The following UGT3A1 variants were observed in gnomAD, a reference collection of about 807,000 sequenced individuals.
UGT3A1 encodes UDP-glycosyltransferase 3A1.
Under a neutral mutation model 37.6 loss-of-function variants are expected in UGT3A1, and 40 were observed. The ratio of observed to expected loss-of-function variants is 1.06; its 90% CI spans 0.83 to 1.38. The LOEUF is 1.38. Among genes scored for constraint, UGT3A1 ranks in the 40% most tolerant of loss-of-function variants. The pLI is 0.00. For missense variants in UGT3A1, 642 were observed against 634.2 expected (o/e 1.01, Z -0.13); for synonymous variants, 256 against 232.3 (o/e 1.10, Z -0.93).
chr5:35,955,949 C>T (rs1287977599), intron 5 of UGT3A1, 85 bp from the exon 6 acceptor site: 19 of 1,327,766 alleles, frequency 1.4e-5, no homozygotes, highest in Admixed American at 5.8e-5. Context: ...AGATGAAACA[C>T]CAATGAAATC....
chr5:35,976,319 A>C (rs1253890685), intron 2 of UGT3A1, among the ~76,000 whole-genome samples: 1 of 152,186 alleles, frequency 6.6e-6, no homozygotes, highest in Non-Finnish European at 1.5e-5. Context: ...GTTAGTTTGC[A>C]TTATAGAAGA....
Position 35,954,487 on chromosome 5 carries a change from G to A in UGT3A1, c.1296-9C>T, listed in dbSNP as rs117185659. 5.9e-4 allele frequency: 959 copies of A among 1,612,486 alleles called. 1 individual carries two copies. In the East Asian group the frequency reaches 0.01, roughly 17 times the overall value. ...CCACTGCCGACTTGTACCTGTTGGC[G>A]GAGACAGAGAGGGTGTGTTACTGAC... On this transcript the variant is annotated splice_polypyrimidine_tract_variant and intron_variant, in intron 6 of 6. Transcript: ENST00000274278.
chr5:35,993,386 C>T (rs896516793), upstream of UGT3A1, among the ~76,000 whole-genome samples: 1 of 152,064 alleles, frequency 6.6e-6, no homozygotes, highest in African/African-American at 2.4e-5. Flanking sequence ...ATCGCTGGAA[C>T]CCAGGAGGCG....
At chr5:35,976,928 A>C (rs926297554) in intron 2 of UGT3A1, among the ~76,000 whole-genome samples, 1 of 149,660 alleles carries the variant, frequency 6.7e-6, no homozygotes, top group African/African-American at 2.5e-5. Context: ...AAAGAAAAAG[A>C]AAGAAGAAAG....
rs1164508182 is a variant in UGT3A1, at chr5:35,954,389, A to G, written c.1385T>C (p.Ile462Thr). 1.2e-6 allele frequency: 2 copies of G among 1,614,198 alleles called. No individual in the cohort carries two copies. The change falls in exon 7 of 7, where the codon ATC becomes ACC. Residue 462 changes from isoleucine to threonine, a missense_variant. By Grantham distance (89) the Ile-to-Thr change is moderately conservative. Coordinates refer to ENST00000274278, the MANE Select transcript of UGT3A1 (RefSeq NM_152404.4). ...AQRLVGWIDH[I>T]LQTGGATHLK... The stretch of plus-strand genomic sequence containing the variant: ...GTGCGTCGCTCCCCCAGTCTGGAGG[A>G]TGTGGTCGATCCAGCCCACCAGCCG...
At chr5:35,981,273 G>A (rs1028951515) in intron 2 of UGT3A1, among the ~76,000 whole-genome samples, 1 of 152,156 alleles carries the variant, frequency 6.6e-6, no homozygotes, top group Non-Finnish European at 1.5e-5. Context: ...ATACAATGCT[G>A]AGATTATCAC....
intron 2 of UGT3A1, among the ~76,000 whole-genome samples, chr5:35,969,860 C>G (rs1050539410): frequency 6.6e-6 from 1 of 152,070 alleles, no homozygotes; most frequent in Non-Finnish European, 1.5e-5. Context: ...TATATATGCC[C>G]CATCTTAAGC....
intron 5 of UGT3A1, among the ~76,000 whole-genome samples, chr5:35,956,486 A>G (rs1359664453): frequency 1.3e-5 from 2 of 152,234 alleles, no homozygotes; most frequent in African/African-American, 4.8e-5. Flanking sequence ...TTAATTTACC[A>G]AGCTGACTTT....
chr5:35,989,661 A>T (rs993173797), intron 1 of UGT3A1, among the ~76,000 whole-genome samples: 2 of 152,210 alleles, frequency 1.3e-5, no homozygotes, highest in African/African-American at 4.8e-5. Context: ...TAAGGACTCA[A>T]ATGGCTTTCT....
At chr5:35,998,697 G>A (rs1741150578) in intron 1 of UGT3A1, among the ~76,000 whole-genome samples, 1 of 152,178 alleles carries the variant, frequency 6.6e-6, no homozygotes, top group African/African-American at 2.4e-5. Flanking sequence ...TAAGAGGAGA[G>A]GATGGAAATT....
intron 2 of UGT3A1, among the ~76,000 whole-genome samples, chr5:35,971,021 T>C (rs1188823840): frequency 6.6e-6 from 1 of 152,186 alleles, no homozygotes; most frequent in Non-Finnish European, 1.5e-5. Context: ...CAAGGCCTAT[T>C]TCAATAGGAT....
At chr5:35,975,134 A>C (rs1740210169) in intron 2 of UGT3A1, among the ~76,000 whole-genome samples, 2 of 152,236 alleles carry the variant, frequency 1.3e-5, no homozygotes, top group Admixed American at 1.3e-4. Context: ...GATAACAGCC[A>C]GGTTCCTTCC....
At position 35,990,091 on chromosome 5, in the gene UGT3A1, CAAA is replaced by C. The variant is rs397975621; in HGVS notation, c.94+1053_94+1055del. ...TGGGCGACAGAGCAAGACTCCGTCT[CAAA>C]AAAAAAAAAAAAAAGAAAGAAAATC... On this transcript the variant is annotated intron_variant, in intron 1 of 6. Coordinates refer to ENST00000274278, the MANE Select transcript of UGT3A1 (RefSeq NM_152404.4). 2.6e-5 allele frequency among the ~76,000 whole-genome samples: 3 copies of C among 115,444 alleles called. No homozygotes were observed. The East Asian group carries it at 1.0e-3, about 39-fold the overall frequency. The allele number at this position is 115,444 out of a possible 152,430, so 75.7% of individuals were successfully genotyped here. A position where few individuals can be genotyped will look rare whatever the true frequency, so the allele number is the denominator to read the frequency against.
At position 35,975,002 on chromosome 5, in the gene UGT3A1, A is replaced by G. The variant is rs369337089; in HGVS notation, c.197-6869T>C. On this transcript the variant is annotated intron_variant, in intron 2 of 6. Coordinates refer to ENST00000274278, the MANE Select transcript of UGT3A1 (RefSeq NM_152404.4). ...AGAAGTTCTGGGGAAGAGGTATGTTATAAGACCTATCTGAATGGGCAAAAC... is the reference window on the plus strand; with the variant it reads ...AGAAGTTCTGGGGAAGAGGTATGTTGTAAGACCTATCTGAATGGGCAAAAC... Among the ~76,000 whole-genome samples, 17 of 152,340 alleles carry G rather than the reference A, an allele frequency of 1.1e-4. 1 individual carries two copies. Among genetic ancestry groups the G allele is most frequent in the South Asian group, 8.3e-4 (4 of 4,830 alleles).
At chr5:35,977,064 A>T (rs952392324) in intron 2 of UGT3A1, among the ~76,000 whole-genome samples, 3 of 143,096 alleles carry the variant, frequency 2.1e-5, no homozygotes, top group African/African-American at 7.9e-5. Flanking sequence ...GAAGAGAAAG[A>T]GAAAGAAAGA....
Position 35,953,798 on chromosome 5 carries a change from G to T in UGT3A1, c.*404C>A, listed in dbSNP as rs80291503. On this transcript the variant is annotated 3_prime_UTR_variant, in exon 7 of 7. Coordinates refer to ENST00000274278, the MANE Select transcript of UGT3A1 (RefSeq NM_152404.4). Reference sequence around the variant, plus strand: ...AGCTTATAGGAAGGGCAAGATATCTGCATAAAATGGAAGAATTTGAAATGG... The same window carrying T: ...AGCTTATAGGAAGGGCAAGATATCTTCATAAAATGGAAGAATTTGAAATGG... 1.3e-4 allele frequency: 23 copies of T among 183,184 alleles called. No individual in the cohort carries two copies. The East Asian group carries it at 2.8e-3, about 22-fold the overall frequency. 11.3% of individuals were successfully genotyped at this position (183,184 alleles called of 1,614,324 possible).
intron 2 of UGT3A1, among the ~76,000 whole-genome samples, chr5:35,976,693 G>C (rs557271632): frequency 6.6e-6 from 1 of 151,962 alleles, no homozygotes; most frequent in Non-Finnish European, 1.5e-5. Context: ...TAAATTAGCT[G>C]GGATTGGTGG....
At chr5:35,981,578 G>GC (rs1273777844) in intron 2 of UGT3A1, among the ~76,000 whole-genome samples, 1 of 152,182 alleles carries the variant, frequency 6.6e-6, no homozygotes, top group Non-Finnish European at 1.5e-5. Context: ...AAGCAGCAAA[G>GC]CATTCAAGAC....
At chr5:35,960,428 AC>A (rs887975988) in intron 4 of UGT3A1, among the ~76,000 whole-genome samples, 3 of 151,736 alleles carry the variant, frequency 2.0e-5, no homozygotes, top group Admixed American at 6.6e-5. Flanking sequence ...AAGTTCCCTG[AC>A]CCCCCCTCAC....
Sources: gnomAD v4.1 joint callset for allele counts (sites outside exome capture counted in the v4.1 genomes callset) on GRCh38, gnomAD v4.1.1 for gene constraint, MANE v1.5 for transcripts, NCBI Gene and HGNC (gene_info 2026-07-23, HGNC 2026-07-21) for gene names.